The following KIF13A variants were observed in gnomAD, a reference collection of about 807,000 sequenced individuals.
The protein encoded by KIF13A is kinesin family member 13A.
A neutral mutation model predicts 212.2 loss-of-function variants in KIF13A; 79 were observed. That is an observed-to-expected ratio of 0.37 (90% CI 0.31 to 0.45). KIF13A has a LOEUF of 0.45. Among genes scored for constraint, KIF13A ranks in the 20% least tolerant of loss-of-function variants. The pLI is 1.00. For missense variants in KIF13A, 1,901 were observed against 2,209.0 expected, an observed-to-expected ratio of 0.86 and a Z score of 2.79; for synonymous variants, 789 against 808.6, an observed-to-expected ratio of 0.98 and a Z score of 0.41.
intron 20 of KIF13A, 81 bp downstream of exon 20, chr6:17,804,280 G>A: frequency 7.6e-7 from 1 of 1,321,026 alleles, no homozygotes; most frequent in South Asian, 1.7e-5. Flanking sequence ...CAAGAACATA[G>A]CTTAAATAGA....
intron 38 of KIF13A, among the ~76,000 whole-genome samples, chr6:17,766,847 T>C (rs1179599403): frequency 6.6e-6 from 1 of 152,222 alleles, no homozygotes; most frequent in Non-Finnish European, 1.5e-5. Flanking sequence ...TTCTTTTGCA[T>C]CTCAAGATTC....
At chr6:17,942,852 G>A (rs1256771339) in intron 2 of KIF13A, among the ~76,000 whole-genome samples, 1 of 151,816 alleles carries the variant, frequency 6.6e-6, no homozygotes, top group Non-Finnish European at 1.5e-5. Flanking sequence ...GTGTCAACAC[G>A]CCTGTAATCC....
At chr6:17,827,555 T>C (rs1014082320) in intron 14 of KIF13A, among the ~76,000 whole-genome samples, 1 of 151,190 alleles carries the variant, frequency 6.6e-6, no homozygotes, top group African/African-American at 2.4e-5. Flanking sequence ...CTCTGTAACC[T>C]AGGCTAGGCT....
intron 29 of KIF13A, among the ~76,000 whole-genome samples, chr6:17,781,623 G>GTT (rs776138365): frequency 0.15 from 16,207 of 106,864 alleles, 1,289 homozygotes; most frequent in Admixed American, 0.2. Context: ...CTGTACTTGG[G>GTT]TTTTTTTTTT....
intron 3 of KIF13A, among the ~76,000 whole-genome samples, chr6:17,887,723 C>T (rs1038352375): frequency 1.3e-5 from 2 of 152,092 alleles, no homozygotes; most frequent in Admixed American, 6.6e-5. Context: ...GTCAGAGTCT[C>T]GCTCTTGTTG....
chr6:17,822,655 C>A (rs1764566620), intron 16 of KIF13A, among the ~76,000 whole-genome samples: 1 of 152,148 alleles, frequency 6.6e-6, no homozygotes, highest in South Asian at 2.1e-4. Context: ...TCTGTAACGT[C>A]CGCTGAAGCA....
Position 17,856,252 on chromosome 6 carries a change from G to T in KIF13A, c.221-130C>A. The T allele has an allele frequency of 1.6e-6, 1 of 637,124 alleles. No individual in the cohort carries two copies. The highest frequency in any genetic ancestry group is 2.8e-6 in the Non-Finnish European group (1 of 362,904). The allele number at this position is 637,124 out of a possible 1,614,324, so 39.5% of individuals were successfully genotyped here. A position where few individuals can be genotyped will look rare whatever the true frequency, so the allele number is the denominator to read the frequency against. On this transcript the variant is annotated intron_variant, in intron 4 of 38. Transcript: ENST00000259711. This position sits in a 1 kb window ranked among gnomAD's most constrained non-coding sequence, Gnocchi z 4.5. ...TAGTACCGAGTGCCCACTAAGTACAGGGCTGTGTATTAAGAGCTTGATATA... is the reference window on the plus strand; with the variant it reads ...TAGTACCGAGTGCCCACTAAGTACATGGCTGTGTATTAAGAGCTTGATATA...
rs1561757526 is a variant in KIF13A, at chr6:17,915,943, A to T, written c.147-17763T>A. ...GTGACAGAGAGCCAGTCTCAAAAAA[A>T]AAAATAAAAATAAAAATAAAATAAA... On this transcript the variant is annotated intron_variant, in intron 2 of 38. Coordinates refer to ENST00000259711, the MANE Select transcript of KIF13A (RefSeq NM_022113.6). This position sits in a 1 kb window ranked among gnomAD's most constrained non-coding sequence, Gnocchi z 4.4. Among the ~76,000 whole-genome samples, 1 of 132,186 alleles carries T rather than the reference A, an allele frequency of 7.6e-6. No individual in the cohort carries two copies. The highest frequency in any genetic ancestry group is 2.9e-5 in the African/African-American group (1 of 34,366). 86.7% of individuals were successfully genotyped at this position (132,186 alleles called of 152,430 possible).
chr6:17,802,942 G>GTTTTTTTTTT (rs1762602317), intron 20 of KIF13A, among the ~76,000 whole-genome samples: 1 of 133,942 alleles, frequency 7.5e-6, no homozygotes, highest in Non-Finnish European at 1.6e-5. Context: ...GTTTTTTTTT[G>GTTTTTTTTTT]TTTTGTTTTG....
chr6:17,809,171 A>T lies in KIF13A; in HGVS notation c.2001-241T>A, dbSNP rs1763223426. On this transcript the variant is annotated intron_variant, in intron 17 of 38. Transcript: ENST00000259711. The surrounding 1 kb of genome is among the most constrained non-coding windows in gnomAD (Gnocchi z 4.7). ...AAAACCACGTTTTAAATTATGTAAC[A>T]CGTGAAAACGATCAGATTGTGATAG... 6.6e-6 allele frequency among the ~76,000 whole-genome samples: 1 copy of T among 152,226 alleles called. No homozygotes were observed. Among genetic ancestry groups the T allele is most frequent in the Non-Finnish European group, 1.5e-5 (1 of 68,050 alleles).
At chr6:17,986,944 T>G (rs1781617418) in intron 2 of KIF13A, 110 bp downstream of exon 2, 11 of 742,120 alleles carry the variant, frequency 1.5e-5, no homozygotes, top group Non-Finnish European at 2.5e-5. Context: ...GCGACAAACT[T>G]GAAGCCGTCC....
chr6:17,792,396 G>C (rs996713842), intron 25 of KIF13A, among the ~76,000 whole-genome samples: 1 of 152,102 alleles, frequency 6.6e-6, no homozygotes, highest in Non-Finnish European at 1.5e-5. Context: ...GGATTATTAA[G>C]TCTACTTCAT....
chr6:17,760,889 A>T (rs1267285255), downstream of KIF13A: 1 of 1,613,588 alleles, frequency 6.2e-7, no homozygotes, highest in Non-Finnish European at 8.5e-7. Context: ...TGGAATGCAG[A>T]GGCTGGTGAG....
downstream of KIF13A, among the ~76,000 whole-genome samples, chr6:17,763,475 CAAAAA>C (rs67357010): frequency 0.055 from 4,141 of 75,692 alleles, 121 homozygotes; most frequent in East Asian, 0.24. Flanking sequence ...CACTCCATCT[CAAAAA>C]AAAAAAAAAA....
At chr6:17,949,333 T>C (rs1777673498) in intron 2 of KIF13A, among the ~76,000 whole-genome samples, 1 of 152,188 alleles carries the variant, frequency 6.6e-6, no homozygotes, top group Non-Finnish European at 1.5e-5. Flanking sequence ...CTGTTTAATA[T>C]TTATTACAGT....
At chr6:17,814,846 C>G (rs1372603086) in intron 17 of KIF13A, among the ~76,000 whole-genome samples, 1 of 152,140 alleles carries the variant, frequency 6.6e-6, no homozygotes, top group Non-Finnish European at 1.5e-5. Flanking sequence ...CTGTAGGGTC[C>G]AGCCCCACTG....
In KIF13A at chr6:17,816,415, C is replaced by G. The variant is rs1448054203; in HGVS notation, c.2000+605G>C. Reference sequence around the variant, plus strand: ...ACAAGGTCTCGTTATGTTGCTCAGGCTGGTCTTAAACTCCTGGGCTCAAGC... The same window carrying G: ...ACAAGGTCTCGTTATGTTGCTCAGGGTGGTCTTAAACTCCTGGGCTCAAGC... On this transcript the variant is annotated intron_variant, in intron 17 of 38. Transcript: ENST00000259711. The surrounding 1 kb of genome is among the most constrained non-coding windows in gnomAD (Gnocchi z 4.3). Among the ~76,000 whole-genome samples the G allele has an allele frequency of 6.6e-6, 1 of 152,144 alleles. No individual in the cohort carries two copies. Among genetic ancestry groups the G allele is most frequent in the African/African-American group, 2.4e-5 (1 of 41,430 alleles).
chr6:17,913,488 G>A (rs543389311), intron 2 of KIF13A, among the ~76,000 whole-genome samples: 1 of 152,222 alleles, frequency 6.6e-6, no homozygotes, highest in South Asian at 2.1e-4. Context: ...CAAAATGGAA[G>A]AACTTCACCA....
Position 17,888,197 on chromosome 6 carries a change from T to C in KIF13A, c.159+9971A>G, listed in dbSNP as rs1353543510. Among the ~76,000 whole-genome samples the C allele has an allele frequency of 6.6e-6, 1 of 152,236 alleles. No homozygotes were observed. The highest frequency in any genetic ancestry group is 1.5e-5 in the Non-Finnish European group (1 of 68,056). ...ACTTAGATTATAGTATATCTAATCT[T>C]CCTTATCATGTTATGAATTCTAGAA... On this transcript the variant is annotated intron_variant, in intron 3 of 38. Transcript: ENST00000259711. This position sits in a 1 kb window ranked among gnomAD's most constrained non-coding sequence, Gnocchi z 4.8.
Sources: gnomAD v4.1 joint callset for allele counts (sites outside exome capture counted in the v4.1 genomes callset) on GRCh38, gnomAD v4.1.1 for gene constraint, Gnocchi (gnomAD v3.1) non-coding constraint, MANE v1.5 for transcripts, NCBI Gene and HGNC (gene_info 2026-07-23, HGNC 2026-07-21) for gene names.